MBTPS2: variants seen among roughly 807,000 people sequenced by gnomAD.
MBTPS2 encodes the protein membrane bound transcription factor peptidase, site 2, also known as membrane-bound transcription factor site-2 protease.
In MBTPS2, 2 loss-of-function variants were observed where a neutral mutation model predicts 35.4. The ratio of observed to expected loss-of-function variants is 0.06; its 90% CI spans 0.02 to 0.18. The LOEUF (loss-of-function observed/expected upper bound fraction) is 0.18, where lower values mean the gene tolerates loss of function less well. MBTPS2 is among the 10% of genes least tolerant of loss of function. The pLI, the probability that MBTPS2 is intolerant of heterozygous loss-of-function variation, is 1.00. For missense variants in MBTPS2, 244 were observed against 386.5 expected (o/e 0.63, Z 3.09); for synonymous variants, 125 against 140.4 (o/e 0.89, Z 0.77).
At chrX:21,863,444 C>A (rs1283642597) in intron 5 of MBTPS2, among the ~76,000 whole-genome samples, 1 of 110,014 alleles carries the variant, frequency 9.1e-6, no homozygotes, top group Non-Finnish European at 1.9e-5. Flanking sequence ...AAAATGATAA[C>A]AGTATGCTTA....
Position 21,878,620 on chromosome X carries a change from T to G in MBTPS2, c.1189T>G (p.Leu397Val). 8.3e-7 allele frequency: 1 copy of G among 1,207,072 alleles called. No homozygotes were observed. Among genetic ancestry groups the G allele is most frequent in the Non-Finnish European group, 1.1e-6 (1 of 891,508 alleles). Residue 397 changes from leucine (L) to valine (V), a missense_variant, in exon 9 of 11, where the codon TTA becomes GTA. Leu to Val is a conservative substitution (Grantham distance 32, BLOSUM62 1). Coordinates refer to ENST00000379484, the MANE Select transcript of MBTPS2 (RefSeq NM_015884.4). ...ACCTTCTTTGGAAACTCACACTCGC[T>G]TAATAAAAGTAAAACACCCACCTCA... ...IIPSLETHTR[L>V]IKVKHPPQID...
Position 21,853,363 on chromosome X carries a change from T to C in MBTPS2, c.543-13T>C. 1.7e-6 allele frequency: 2 copies of C among 1,167,939 alleles called. No homozygotes were observed. The highest frequency in any genetic ancestry group is 2.3e-6 in the Non-Finnish European group (2 of 856,488). On this transcript the variant is annotated splice_polypyrimidine_tract_variant and intron_variant, in intron 4 of 10. Transcript: ENST00000379484. ...AGTATTAGTAAACTCCTTTTTCTTA[T>C]GTGATTTCTTAGGGAACAAGTTCGA...
rs1337491993 is a variant in MBTPS2 at position 21,845,315 on chromosome X, T to TTCTTCC, written c.381_386dup (p.Ser135_Ser136dup). The TTCTTCC allele has an allele frequency of 5.9e-6, 7 of 1,192,090 alleles. No individual in the cohort carries two copies. The highest frequency in any genetic ancestry group is 1.8e-5 in the African/African-American group (1 of 56,837). The stretch of plus-strand genomic sequence containing the variant: ...CCTCCTCTTCTTCCTCTTCCTCCTC[T>TTCTTCC]TCTTCCTCTTCCTCTTCTTCATCTT... On this transcript the variant is annotated inframe_insertion, in exon 3 of 11. Coordinates refer to ENST00000379484, the MANE Select transcript of MBTPS2 (RefSeq NM_015884.4).
rs777980245 is a variant in MBTPS2, at chrX:21,843,213, A to G, written c.119A>G (p.Asn40Ser). 66 of 1,208,705 alleles carry G rather than the reference A, an allele frequency of 5.5e-5. No homozygotes were observed. The Admixed American group carries it at 8.5e-4, about 16-fold the overall frequency. Reference protein sequence around the residue: ...FKHSYEDWLENNGLSISPFHI... With the variant: ...FKHSYEDWLESNGLSISPFHI... ...CATTCTTATGAAGACTGGCTGGAAAACAACGGACTGAGCATCTCCCCTTTC... is the reference window on the plus strand; with the variant it reads ...CATTCTTATGAAGACTGGCTGGAAAGCAACGGACTGAGCATCTCCCCTTTC... The change falls in exon 2 of 11, where the codon AAC (asparagine) becomes AGC (serine). Residue 40 changes from asparagine to serine, a missense_variant. Transcript: ENST00000379484.
At chrX:21,858,926 G>T (rs1407296235) in intron 5 of MBTPS2, among the ~76,000 whole-genome samples, 1 of 103,578 alleles carries the variant, frequency 9.7e-6, no homozygotes, top group Admixed American at 1.1e-4. Flanking sequence ...GGGCAGAGGG[G>T]CTGGGCGCAG....
chrX:21,841,644 G>C (rs1324776726), intron 1 of MBTPS2: 1 of 104,665 alleles, frequency 9.6e-6, no homozygotes, highest in Non-Finnish European at 1.9e-5. Flanking sequence ...AAAGCCACAT[G>C]ATTTCTTCAT....
chrX:21,860,945 C>G (rs1170625813), intron 5 of MBTPS2, among the ~76,000 whole-genome samples: 1 of 111,778 alleles, frequency 8.9e-6, no homozygotes, highest in Non-Finnish European at 1.9e-5. Context: ...TTTGATCACA[C>G]AAAAATTTAA....
intron 5 of MBTPS2, among the ~76,000 whole-genome samples, chrX:21,867,673 A>G (rs2092941921): frequency 1.1e-5 from 1 of 92,328 alleles, no homozygotes; most frequent in South Asian, 5.1e-4. Context: ...GCTCTGTGCT[A>G]TGTCACCCAG....
rs746297311 is a variant in MBTPS2, at chrX:21,869,640, G to A, written c.932G>A (p.Ser311Asn). 5.0e-6 allele frequency: 6 copies of A among 1,210,366 alleles called. No individual in the cohort carries two copies. In the South Asian group the frequency reaches 8.8e-5, roughly 18 times the overall value. ...AYEPQIGYCI[S>N]ASTLQQLSFP... is the part of the protein sequence containing the mutation. ...GAGCCCCAAATTGGTTACTGTATAA[G>A]TGCATCAACTTTACAGCAGTTAAGT... The change falls in exon 7 of 11, where the codon AGT (serine) becomes AAT (asparagine). Residue 311 changes from serine (S) to asparagine (N), a missense_variant. Transcript: ENST00000379484.
chrX:21,846,544 A>G (rs1462636720), intron 3 of MBTPS2, among the ~76,000 whole-genome samples: 5 of 110,884 alleles, frequency 4.5e-5, no homozygotes, highest in African/African-American at 1.6e-4. Context: ...CTAATTTTGT[A>G]CTTTTAGTAG....
intron 7 of MBTPS2, among the ~76,000 whole-genome samples, chrX:21,876,061 G>A (rs1000902216): frequency 1.8e-5 from 2 of 111,895 alleles, no homozygotes; most frequent in African/African-American, 6.5e-5. Context: ...ATGGGACTTG[G>A]CAATCTGATC....
At chrX:21,860,962 T>C (rs1029315699) in intron 5 of MBTPS2, among the ~76,000 whole-genome samples, 3 of 112,120 alleles carry the variant, frequency 2.7e-5, no homozygotes, top group Non-Finnish European at 5.6e-5. Context: ...TTAAAGTATC[T>C]GTACAGGCAA....
chrX:21,871,042 A>AT (rs201185448), intron 7 of MBTPS2: 2,316 of 115,936 alleles, frequency 0.02, 63 homozygotes, highest in African/African-American at 0.071. Flanking sequence ...GTAAGAACTG[A>AT]TTTTTTTAAA....
At chrX:21,869,778 G>C in intron 7 of MBTPS2, 100 bp downstream of exon 7, 1 of 691,912 alleles carries the variant, frequency 1.4e-6, no homozygotes, top group South Asian at 2.4e-5. Flanking sequence ...GTTCTAATCT[G>C]TTTAAAGCAA....
intron 5 of MBTPS2, chrX:21,856,319 G>T: frequency 2.2e-6 from 1 of 459,974 alleles, no homozygotes. Flanking sequence ...TCTGCAGCTC[G>T]CGCCTTTCTC....
intron 10 of MBTPS2, among the ~76,000 whole-genome samples, chrX:21,881,756 C>T (rs1373958753): frequency 4.5e-5 from 5 of 110,601 alleles, no homozygotes; most frequent in Non-Finnish European, 7.6e-5. Flanking sequence ...ACCAATATGG[C>T]GAAACCCCAT....
At chrX:21,856,221 G>T (rs986654522) in intron 5 of MBTPS2, 24 of 355,037 alleles carry the variant, frequency 6.8e-5, no homozygotes, top group Non-Finnish European at 1.0e-4. Flanking sequence ...TTGCCTAGGC[G>T]CATGCGTCTG....
Position 21,878,710 on chromosome X carries a change from A to G in MBTPS2, c.1261+18A>G. 2 of 1,107,778 alleles carry G rather than the reference A, an allele frequency of 1.8e-6. No homozygotes were observed. Among genetic ancestry groups the G allele is most frequent in the East Asian group, 3.0e-5 (1 of 33,419 alleles). 91.3% of individuals were successfully genotyped at this position (1,107,778 alleles called of 1,213,427 possible). A position where few individuals can be genotyped will look rare whatever the true frequency, so the allele number is the denominator to read the frequency against. ...CTACACAGGTGAGTATTTTTGTGGT[A>G]GACCCTTAGAAAATCATTAAGATCA... On this transcript the variant is annotated intron_variant, in intron 9 of 10. Transcript: ENST00000379484.
At chrX:21,852,305 A>G (rs1408027225) in intron 4 of MBTPS2, among the ~76,000 whole-genome samples, 2 of 112,229 alleles carry the variant, frequency 1.8e-5, no homozygotes, top group Admixed American at 9.4e-5. Context: ...GCTAATAGGA[A>G]TGTGTTTTAT....
Sources: allele counts gnomAD v4.1 joint callset (sites outside exome capture counted in the v4.1 genomes callset), GRCh38; gene constraint gnomAD v4.1.1; transcripts MANE v1.5; gene names NCBI Gene and HGNC (gene_info 2026-07-23, HGNC 2026-07-21).